Variants in BRD1 observed in about 807,000 individuals in gnomAD.
The protein encoded by BRD1 is bromodomain-containing protein 1.
Under a neutral mutation model 107.7 loss-of-function variants are expected in BRD1, and 24 were observed. That is an observed-to-expected ratio of 0.22 (90% CI 0.16 to 0.31). The LOEUF is 0.31. BRD1 is among the 10% of genes least tolerant of loss of function. The pLI is 1.00. For missense variants in BRD1, 1,279 were observed against 1,638.6 expected, an observed-to-expected ratio of 0.78 and a Z score of 3.79; for synonymous variants, 744 against 686.1, an observed-to-expected ratio of 1.08 and a Z score of -1.32.
At chr22:49,791,426 T>A (rs1313096426) in intron 7 of BRD1, among the ~76,000 whole-genome samples, 3 of 152,224 alleles carry the variant, frequency 2.0e-5, no homozygotes, top group African/African-American at 7.2e-5. Context: ...ACACACAGAC[T>A]GTTAAATTAC....
At chr22:49,789,418 A>T (rs2059389263) in intron 7 of BRD1, among the ~76,000 whole-genome samples, 1 of 152,114 alleles carries the variant, frequency 6.6e-6, no homozygotes, top group Non-Finnish European at 1.5e-5. Context: ...CAGCGTCCTG[A>T]CGCAGCTGGT....
At position 49,824,572 on chromosome 22, in the gene BRD1, C is replaced by T; in HGVS notation, c.-14-241G>A. ...GCAGCCTGAGGAGCCCTCCTGAGCA[C>T]CTGCGTCCCTACCACCACACACCAG... On this transcript the variant is annotated intron_variant, in intron 1 of 12. Transcript: ENST00000404760. This position sits in a 1 kb window ranked among gnomAD's most constrained non-coding sequence, Gnocchi z 5.9. 1 of 1,341,914 alleles carries T rather than the reference C, an allele frequency of 7.5e-7. No individual in the cohort carries two copies. The highest frequency in any genetic ancestry group is 1.5e-5 in the African/African-American group (1 of 67,734). 83.1% of individuals were successfully genotyped at this position (1,341,914 alleles called of 1,614,324 possible).
Position 49,827,871 on chromosome 22 carries a change from T to C in BRD1, c.-389A>G, listed in dbSNP as rs1426476981. ...GCTCGCTCCCCAGCGAAGCAAACAA[T>C]GCGGCGAGCGCTCCGCCCGGCGCGC... On this transcript the variant is annotated 5_prime_UTR_variant, in exon 1 of 13. Coordinates refer to ENST00000404760, the MANE Select transcript of BRD1 (RefSeq NM_001304808.3). Among the ~76,000 whole-genome samples, 2 of 136,074 alleles carry C rather than the reference T, an allele frequency of 1.5e-5. No homozygotes were observed. Among genetic ancestry groups the C allele is most frequent in the African/African-American group, 2.6e-5 (1 of 38,632 alleles). The allele number at this position is 136,074 out of a possible 152,430, so 89.3% of individuals were successfully genotyped here.
At chr22:49,801,934 G>A (rs1052922818) in intron 3 of BRD1, among the ~76,000 whole-genome samples, 3 of 152,218 alleles carry the variant, frequency 2.0e-5, no homozygotes, top group African/African-American at 7.2e-5. Context: ...TCGTGTCCCA[G>A]CTTATGAGAG....
At chr22:49,812,206 T>A (rs2059863822) in intron 2 of BRD1, among the ~76,000 whole-genome samples, 1 of 149,018 alleles carries the variant, frequency 6.7e-6, no homozygotes, top group Non-Finnish European at 1.5e-5. Flanking sequence ...TGGGTTCAAG[T>A]GGGAGACTGA....
At position 49,783,428 on chromosome 22, in the gene BRD1, T is replaced by C. The variant is rs2059255162; in HGVS notation, c.2857+3962A>G. 6.6e-6 allele frequency among the ~76,000 whole-genome samples: 1 copy of C among 152,220 alleles called. No individual in the cohort carries two copies. The highest frequency in any genetic ancestry group is 6.5e-5 in the Admixed American group (1 of 15,286). Reference sequence around the variant, plus strand: ...CGAGTGAGTGAGCACGCACTGTCCATGCCACATCCTCAGACAGTGCCGAGC... The same window carrying C: ...CGAGTGAGTGAGCACGCACTGTCCACGCCACATCCTCAGACAGTGCCGAGC... On this transcript the variant is annotated intron_variant, in intron 8 of 12. Transcript: ENST00000404760. The surrounding 1 kb of genome is among the most constrained non-coding windows in gnomAD (Gnocchi z 4.2).
In BRD1 at chr22:49,823,570, A is replaced by G; in HGVS notation, c.748T>C (p.Tyr250His). Residue 250 changes from tyrosine (Y) to histidine (H), a missense_variant, in exon 2 of 13, where the codon TAC becomes CAC. Transcript: ENST00000404760. ...CAGAGCCACTGGCCCTCGGGGATGTAGGGCACCCCGTAGCACTCCTGGTGC... is the reference window on the plus strand; with the variant it reads ...CAGAGCCACTGGCCCTCGGGGATGTGGGGCACCCCGTAGCACTCCTGGTGC... ...AVHQECYGVP[Y>H]IPEGQWLCRH... 1 of 1,603,958 alleles carries G rather than the reference A, an allele frequency of 6.2e-7. No homozygotes were observed. The highest frequency in any genetic ancestry group is 8.5e-7 in the Non-Finnish European group (1 of 1,174,054).
chr22:49,775,840 C>CCCCCCTGT, intron 11 of BRD1, 95 bp from the exon 12 acceptor site: 1 of 1,223,912 alleles, frequency 8.2e-7, no homozygotes, highest in Non-Finnish European at 1.1e-6. Flanking sequence ...CCCACCCCAG[C>CCCCCCTGT]TGTGTGAGCC....
chr22:49,776,907 T>A, intron 10 of BRD1, 127 bp downstream of exon 10: 1 of 1,370,700 alleles, frequency 7.3e-7, no homozygotes, highest in South Asian at 1.3e-5. Flanking sequence ...CCCCGGGAGG[T>A]TGGCCAGGGT....
intron 8 of BRD1, among the ~76,000 whole-genome samples, chr22:49,784,230 A>C (rs1023305143): frequency 3.3e-5 from 5 of 149,334 alleles, no homozygotes; most frequent in African/African-American, 1.2e-4. Context: ...GTGGACAAAG[A>C]CACCCCCGCG....
At chr22:49,790,881 G>A (rs978145348) in intron 7 of BRD1, among the ~76,000 whole-genome samples, 1 of 152,178 alleles carries the variant, frequency 6.6e-6, no homozygotes, top group Admixed American at 6.5e-5. Flanking sequence ...ACTTCCACAC[G>A]TGCACTTCAA....
chr22:49,777,897 A>G, intron 8 of BRD1, 84 bp from the exon 9 acceptor site: 22 of 1,475,146 alleles, frequency 1.5e-5, no homozygotes, highest in Non-Finnish European at 1.9e-5. Context: ...CTTGGAACAC[A>G]TCTTACAAAG....
At position 49,787,645 on chromosome 22, in the gene BRD1, AG is replaced by A; in HGVS notation, c.2601del (p.Ser868ProfsTer10). The A allele has an allele frequency of 6.4e-7, 1 of 1,550,676 alleles. No homozygotes were observed. The highest frequency in any genetic ancestry group is 8.7e-7 in the Non-Finnish European group (1 of 1,146,984). ...ASSGDVPAAA[A>X]SAVAEPASDV... is the part of the protein sequence containing the mutation. Reference sequence around the variant, plus strand: ...TCGCTTGCTGGCTCCGCCACCGCGGAGGCCGCCGCCGCCGGCACATCGCCAC... The same window carrying A: ...TCGCTTGCTGGCTCCGCCACCGCGGAGCCGCCGCCGCCGGCACATCGCCAC... On this transcript the variant is annotated frameshift_variant, in exon 8 of 13. Transcript: ENST00000404760. LOFTEE classifies it high-confidence loss of function.
chr22:49,816,941 G>A (rs1313378521), intron 2 of BRD1, among the ~76,000 whole-genome samples: 2 of 152,224 alleles, frequency 1.3e-5, no homozygotes, highest in Non-Finnish European at 1.5e-5. Context: ...GTCTACACAG[G>A]ACTTTGCTAT....
intron 8 of BRD1, among the ~76,000 whole-genome samples, chr22:49,785,180 T>TGAGGAC: frequency 6.6e-6 from 1 of 152,340 alleles, no homozygotes. Flanking sequence ...GAGAGGTTGC[T>TGAGGAC]GAGGACGTGG....
Position 49,775,576 on chromosome 22 carries a change from G to A in BRD1, c.3386+15C>T, listed in dbSNP as rs773859997. 2 of 1,567,352 alleles carry A rather than the reference G, an allele frequency of 1.3e-6. No individual in the cohort carries two copies. Among genetic ancestry groups the A allele is most frequent in the South Asian group, 2.4e-5 (2 of 83,126 alleles). ...ACCCCAGCCGGTCCCCGGAGTCTAA[G>A]GCCTCTCAACTCACCAACTTCTCTT... On this transcript the variant is annotated intron_variant, in intron 12 of 12. Coordinates refer to ENST00000404760, the MANE Select transcript of BRD1 (RefSeq NM_001304808.3).
chr22:49,787,186 G>A (rs2059342070), intron 8 of BRD1, among the ~76,000 whole-genome samples: 2 of 152,116 alleles, frequency 1.3e-5, no homozygotes, highest in African/African-American at 2.4e-5. Context: ...TGGCAAACAG[G>A]CCCCCCACGA....
chr22:49,815,968 C>G (rs948875929), intron 2 of BRD1, among the ~76,000 whole-genome samples: 7 of 152,114 alleles, frequency 4.6e-5, no homozygotes, highest in African/African-American at 1.7e-4. Flanking sequence ...CCACCCGCAG[C>G]AGCCAACTCA....
At chr22:49,818,276 C>A (rs1235807627) in intron 2 of BRD1, 1 of 1,275,756 alleles carries the variant, frequency 7.8e-7, no homozygotes. Flanking sequence ...AGTAGAGGAG[C>A]TCCTCCTAGA....
Sources: allele counts gnomAD v4.1 joint callset (sites outside exome capture counted in the v4.1 genomes callset), GRCh38; gene constraint gnomAD v4.1.1; non-coding constraint Gnocchi (gnomAD v3.1); transcripts MANE v1.5; gene names NCBI Gene and HGNC (gene_info 2026-07-23, HGNC 2026-07-21).